Variants in PLEKHA5 observed in about 807,000 individuals in gnomAD.
The protein encoded by PLEKHA5 is pleckstrin homology domain containing A5, also known as pleckstrin homology domain-containing family A member 5.
A neutral mutation model predicts 181.9 loss-of-function variants in PLEKHA5; 55 were observed. The observed-to-expected ratio is 0.30, with a 90% CI of 0.24 to 0.38. The LOEUF is 0.38. Among genes scored for constraint, PLEKHA5 ranks in the 10% least tolerant of loss-of-function variants. PLEKHA5 has a pLI of 1.00. For missense variants in PLEKHA5, 1,432 were observed against 1,549.5 expected (o/e 0.92, Z 1.27); for synonymous variants, 535 against 529.4 (o/e 1.01, Z -0.15).
At chr12:19,156,873 A>T (rs2041851993) in intron 3 of PLEKHA5, among the ~76,000 whole-genome samples, 1 of 145,694 alleles carries the variant, frequency 6.9e-6, no homozygotes, top group Non-Finnish European at 1.5e-5. Context: ...GGTAAAAACA[A>T]ATCTCTACTA....
chr12:19,131,732 G>C (rs2033926938), intron 2 of PLEKHA5, among the ~76,000 whole-genome samples: 1 of 151,258 alleles, frequency 6.6e-6, no homozygotes, highest in African/African-American at 2.4e-5. Context: ...TACACACATC[G>C]GTTGTTTTTA....
At position 19,322,361 on chromosome 12, in the gene PLEKHA5, G is replaced by C; in HGVS notation, c.2269G>C (p.Glu757Gln). Reference sequence around the variant, plus strand: ...AGATAAAGTGGTGCATGCTCTGGAAGAGAAACTTCAGCAACTCCACAAGGA... The same window carrying C: ...AGATAAAGTGGTGCATGCTCTGGAACAGAAACTTCAGCAACTCCACAAGGA... ...EQDKVVHALE[E>Q]KLQQLHKEKY... The change falls in exon 19 of 32, where the codon GAG becomes CAG. Residue 757 changes from glutamate to glutamine, a missense_variant. Physicochemically the swap from Glu to Gln is conservative, Grantham distance 29 (BLOSUM62 2). Around this residue, in one of 2 missense-constraint regions of PLEKHA5, gnomAD observed 1,143 missense variants for 1,168.4 expected, o/e 0.98. Coordinates refer to ENST00000429027, the MANE Select transcript of PLEKHA5 (RefSeq NM_001256470.2). The C allele has an allele frequency of 6.2e-7, 1 of 1,613,478 alleles. No homozygotes were observed. Among genetic ancestry groups the C allele is most frequent in the Non-Finnish European group, 8.5e-7 (1 of 1,179,464 alleles).
At chr12:19,350,354 A>G (rs986237770) in intron 25 of PLEKHA5, among the ~76,000 whole-genome samples, 1 of 152,234 alleles carries the variant, frequency 6.6e-6, no homozygotes, top group African/African-American at 2.4e-5. Context: ...GTATGTATTT[A>G]TGCAGAGATA....
At chr12:19,132,482 G>C in intron 3 of PLEKHA5, 32 bp downstream of exon 3, 6 of 1,128,980 alleles carry the variant, frequency 5.3e-6, no homozygotes, top group Non-Finnish European at 8.0e-6. Flanking sequence ...TTTTTCCTTC[G>C]TAATTAGAAT....
chr12:19,191,477 T>A (rs1347087755), intron 3 of PLEKHA5, among the ~76,000 whole-genome samples: 2 of 152,222 alleles, frequency 1.3e-5, no homozygotes, highest in Non-Finnish European at 2.9e-5. Flanking sequence ...GTTGTCAGTC[T>A]TGTCCCCTAA....
chr12:19,334,818 C>CA lies in PLEKHA5; in HGVS notation c.2449-1685dup, dbSNP rs1241415983. On this transcript the variant is annotated intron_variant, in intron 20 of 31. Coordinates refer to ENST00000429027, the MANE Select transcript of PLEKHA5 (RefSeq NM_001256470.2). ...GCAACATGGCAAAATCCTGTCTTCA[C>CA]AAAAAAAAAAAATATATATATATAT... Among the ~76,000 whole-genome samples, 18 of 5,984 alleles carry CA rather than the reference C, an allele frequency of 3.0e-3. 3 individuals carry two copies. Among genetic ancestry groups the CA allele is most frequent in the Admixed American group, 8.8e-3 (2 of 228 alleles). The allele number at this position is 5,984 out of a possible 152,430, so 3.9% of individuals were successfully genotyped here.
rs892129856 is a variant in PLEKHA5 at position 19,359,835 on chromosome 12, A to G, written c.3483+289A>G. 3.3e-5 allele frequency among the ~76,000 whole-genome samples: 5 copies of G among 151,764 alleles called. No homozygotes were observed. The East Asian group carries it at 9.7e-4, about 29-fold the overall frequency. ...AAAAAAATTAGCCGGGCTTGGTGGCAGGCTCCTGTAGTCCCAGCTACTGGG... is the reference window on the plus strand; with the variant it reads ...AAAAAAATTAGCCGGGCTTGGTGGCGGGCTCCTGTAGTCCCAGCTACTGGG... On this transcript the variant is annotated intron_variant, in intron 28 of 31. Coordinates refer to ENST00000429027, the MANE Select transcript of PLEKHA5 (RefSeq NM_001256470.2).
intron 25 of PLEKHA5, among the ~76,000 whole-genome samples, chr12:19,350,488 C>T (rs1242708023): frequency 6.6e-6 from 1 of 152,154 alleles, no homozygotes; most frequent in Non-Finnish European, 1.5e-5. Flanking sequence ...AAAGTGAGGC[C>T]AGGCTTGGTG....
chr12:19,327,576 A>G lies in PLEKHA5; in HGVS notation c.2448+4909A>G, dbSNP rs2092344546. ...CTCCATTGATAGTTTCTTTTGCTTT[A>G]CAGAAGCTCTTTAATTAGCTCCCAC... On this transcript the variant is annotated intron_variant, in intron 20 of 31. Transcript: ENST00000429027. Among the ~76,000 whole-genome samples the G allele has an allele frequency of 2.0e-5, 3 of 150,236 alleles. No individual in the cohort carries two copies. The South Asian group carries it at 6.3e-4, about 32-fold the overall frequency.
intron 11 of PLEKHA5, among the ~76,000 whole-genome samples, chr12:19,279,058 A>G (rs2152765481): frequency 6.6e-6 from 1 of 152,308 alleles, no homozygotes; most frequent in Non-Finnish European, 1.5e-5. Flanking sequence ...CTTCTAGATG[A>G]GAAAAGAGGA....
chr12:19,161,059 T>G (rs1450325081), intron 3 of PLEKHA5, among the ~76,000 whole-genome samples: 3 of 152,202 alleles, frequency 2.0e-5, no homozygotes, highest in Non-Finnish European at 4.4e-5. Context: ...ACTGTTTTGT[T>G]TAGTAAATCT....
intron 3 of PLEKHA5, among the ~76,000 whole-genome samples, chr12:19,149,175 A>G (rs1357645847): frequency 6.6e-6 from 1 of 152,170 alleles, no homozygotes; most frequent in Non-Finnish European, 1.5e-5. Context: ...AATAGAGGTA[A>G]ATCATTATAA....
rs894829100 is a variant in PLEKHA5, at chr12:19,306,781, A to G, written c.2038-8033A>G. On this transcript the variant is annotated intron_variant, in intron 15 of 31. Transcript: ENST00000429027. ...GCCAATCGCAATCTCGTTAAATTCC[A>G]TGATCCAGACTCAGCAGTTGTCGCA... 7.7e-6 allele frequency: 7 copies of G among 907,044 alleles called. No individual in the cohort carries two copies. The African/African-American group carries it at 1.1e-4, about 15-fold the overall frequency. The allele number at this position is 907,044 out of a possible 1,614,324, so 56.2% of individuals were successfully genotyped here. A position where few individuals can be genotyped will look rare whatever the true frequency, so the allele number is the denominator to read the frequency against.
intron 3 of PLEKHA5, among the ~76,000 whole-genome samples, chr12:19,133,042 G>T (rs568631404): frequency 1.3e-5 from 2 of 151,270 alleles, no homozygotes; most frequent in South Asian, 4.2e-4. Context: ...CGGTCAGGGA[G>T]TAAAAATAGA....
intron 3 of PLEKHA5, among the ~76,000 whole-genome samples, chr12:19,174,561 G>A (rs1466880502): frequency 2.6e-5 from 4 of 152,060 alleles, no homozygotes; most frequent in African/African-American, 9.7e-5. Flanking sequence ...GCTCTTAGAG[G>A]CGTGGGATTT....
chr12:19,265,053 C>T (rs916018310), intron 7 of PLEKHA5, among the ~76,000 whole-genome samples: 1 of 152,174 alleles, frequency 6.6e-6, no homozygotes, highest in Admixed American at 6.5e-5. Context: ...AATTTAGTCA[C>T]ACTATTGTAT....
Position 19,347,188 on chromosome 12 carries a change from T to A in PLEKHA5, c.2898+6T>A. 6.7e-7 allele frequency: 1 copy of A among 1,502,616 alleles called. No homozygotes were observed. Among genetic ancestry groups the A allele is most frequent in the Non-Finnish European group, 9.0e-7 (1 of 1,105,640 alleles). The allele number at this position is 1,502,616 out of a possible 1,614,324, so 93.1% of individuals were successfully genotyped here. A position where few individuals can be genotyped will look rare whatever the true frequency, so the allele number is the denominator to read the frequency against. ...CAAGAAATGGATCTCACTGTGTAAG[T>A]GGCTGGAATAGCCACAGAATAATCA... On this transcript the variant is annotated splice_donor_region_variant and intron_variant, in intron 24 of 31. Coordinates refer to ENST00000429027, the MANE Select transcript of PLEKHA5 (RefSeq NM_001256470.2).
At chr12:19,281,842 C>T (rs1240373713) in intron 11 of PLEKHA5, among the ~76,000 whole-genome samples, 4 of 151,898 alleles carry the variant, frequency 2.6e-5, no homozygotes, top group Non-Finnish European at 5.9e-5. Flanking sequence ...AGTGCACTGG[C>T]GCGATCTTGT....
At chr12:19,218,309 G>A (rs1367337070) in intron 3 of PLEKHA5, among the ~76,000 whole-genome samples, 1 of 152,052 alleles carries the variant, frequency 6.6e-6, no homozygotes, top group Non-Finnish European at 1.5e-5. Flanking sequence ...CTCCTCCAGT[G>A]TTACATGAGA....
Sources: allele counts gnomAD v4.1 joint callset (sites outside exome capture counted in the v4.1 genomes callset), GRCh38; gene constraint gnomAD v4.1.1; regional missense constraint gnomAD v4.1.1; transcripts MANE v1.5; gene names NCBI Gene and HGNC (gene_info 2026-07-23, HGNC 2026-07-21).